Variants in MAGEC3 observed in about 807,000 individuals in gnomAD.
MAGEC3 encodes melanoma-associated antigen C3.
MAGEC3 carries 34 observed loss-of-function variants against 35.3 expected under a neutral mutation model. The ratio of observed to expected loss-of-function variants is 0.96; its 90% CI spans 0.73 to 1.28. The LOEUF is 1.28. Ranked by LOEUF, MAGEC3 falls within the 50% of genes most tolerant of loss-of-function variation. MAGEC3 has a pLI of 0.00. For synonymous variants in MAGEC3, 202 were observed against 185.6 expected (o/e 1.09, Z -0.72); for missense variants, 561 against 483.6 (o/e 1.16, Z -1.50).
At chrX:141,840,081 G>A in intron 1 of MAGEC3, 1 of 670,565 alleles carries the variant, frequency 1.5e-6, no homozygotes, top group South Asian at 7.7e-5. Context: ...CTTCCTGAAG[G>A]ATTTGTGTGA....
chrX:141,852,453 T>G (rs1445556153), intron 1 of MAGEC3, among the ~76,000 whole-genome samples: 2 of 110,731 alleles, frequency 1.8e-5, no homozygotes, highest in Non-Finnish European at 3.8e-5. Flanking sequence ...CTTGCCTAAT[T>G]GCACTAGGTT....
At chrX:141,896,653 A>G (rs751384846) in intron 6 of MAGEC3, 17 of 1,206,159 alleles carry the variant, frequency 1.4e-5, no homozygotes, top group Admixed American at 2.2e-5. Context: ...AACAGGCCTC[A>G]TGCCTCTCTT....
At chrX:141,867,625 T>C (rs148031594) in intron 2 of MAGEC3, among the ~76,000 whole-genome samples, 1,657 of 112,191 alleles carry the variant, frequency 0.015, 16 homozygotes, top group Non-Finnish European at 0.023. Context: ...CTATGCATTA[T>C]TTTTTGTTAG....
At chrX:141,845,419 T>C (rs1044232907) in intron 1 of MAGEC3, among the ~76,000 whole-genome samples, 1 of 111,422 alleles carries the variant, frequency 9.0e-6, no homozygotes, top group African/African-American at 3.2e-5. Flanking sequence ...AAGTCTTATA[T>C]GCCAATATTA....
At position 141,873,977 on chromosome X, in the gene MAGEC3, T is replaced by C. The variant is rs190345978; in HGVS notation, c.259-5198T>C. 2.6e-3 allele frequency among the ~76,000 whole-genome samples: 292 copies of C among 112,030 alleles called. 1 individual carries two copies. The highest frequency in any genetic ancestry group is 4.3e-3 in the Non-Finnish European group (230 of 53,168). ...CCAACTTCAGGTCTTACTATAAAGTTACGATAATTAAGACAGTGTGATATT... is the reference window on the plus strand; with the variant it reads ...CCAACTTCAGGTCTTACTATAAAGTCACGATAATTAAGACAGTGTGATATT... On this transcript the variant is annotated intron_variant, in intron 2 of 7. Transcript: ENST00000298296.
At chrX:141,874,511 C>G (rs1237531589) in intron 2 of MAGEC3, among the ~76,000 whole-genome samples, 1 of 111,548 alleles carries the variant, frequency 9.0e-6, no homozygotes, top group Non-Finnish European at 1.9e-5. Flanking sequence ...AACAAGAAAG[C>G]AATCCAATAA....
At chrX:141,839,241 C>T (rs1171444112) in intron 1 of MAGEC3, 3 of 216,798 alleles carry the variant, frequency 1.4e-5, no homozygotes, top group Non-Finnish European at 2.0e-5. Context: ...TAATGGATTC[C>T]AGTGATTTCC....
intron 1 of MAGEC3, among the ~76,000 whole-genome samples, chrX:141,848,486 A>G (rs1447727705): frequency 3.6e-5 from 4 of 110,980 alleles, no homozygotes; most frequent in African/African-American, 1.3e-4. Flanking sequence ...CACAAATAAC[A>G]TCCAGGCTGA....
chrX:141,860,856 G>A (rs140545927), intron 1 of MAGEC3, among the ~76,000 whole-genome samples: 1,683 of 111,408 alleles, frequency 0.015, 14 homozygotes, highest in Middle Eastern at 0.037. Context: ...AATGCAAAGT[G>A]GTTCTGGAAG....
intron 1 of MAGEC3, among the ~76,000 whole-genome samples, chrX:141,841,135 CTT>C (rs1271581156): frequency 9.0e-6 from 1 of 110,926 alleles, no homozygotes; most frequent in Non-Finnish European, 1.9e-5. Flanking sequence ...TTGTCTGTCT[CTT>C]CTTACTTACC....
chrX:141,885,578 TG>T (rs1239435474), intron 4 of MAGEC3, among the ~76,000 whole-genome samples: 1 of 100,146 alleles, frequency 1.0e-5, no homozygotes, highest in East Asian at 3.3e-4. Flanking sequence ...GGCAGAGAAT[TG>T]CTTGAACCCG....
intron 6 of MAGEC3, among the ~76,000 whole-genome samples, chrX:141,895,876 G>A (rs903622840): frequency 5.4e-5 from 6 of 111,177 alleles, no homozygotes; most frequent in Non-Finnish European, 9.5e-5. Flanking sequence ...GAGGTCCCAC[G>A]TGCATCAGAA....
chrX:141,887,534 CCAAGAAAGAGGCA>C (rs1413171058), intron 4 of MAGEC3, among the ~76,000 whole-genome samples: 7 of 111,918 alleles, frequency 6.3e-5, no homozygotes, highest in African/African-American at 2.3e-4. Context: ...TGAGGCCCCT[CCAAGAAAGAGGCA>C]CAATGCCTAG....
intron 2 of MAGEC3, among the ~76,000 whole-genome samples, chrX:141,878,832 A>G (rs1317864446): frequency 1.8e-5 from 2 of 111,793 alleles, no homozygotes; most frequent in Non-Finnish European, 3.8e-5. Flanking sequence ...TGATCTGAAG[A>G]ACATAGTCTC....
chrX:141,896,774 C>T (rs1452159264), intron 6 of MAGEC3, 108 bp from the exon 7 acceptor site: 1 of 1,209,974 alleles, frequency 8.3e-7, no homozygotes, highest in South Asian at 1.8e-5. Context: ...GATGCCTCCT[C>T]CACTTCCTCT....
intron 1 of MAGEC3, among the ~76,000 whole-genome samples, chrX:141,860,920 T>C (rs1342668644): frequency 8.9e-6 from 1 of 111,775 alleles, no homozygotes; most frequent in Non-Finnish European, 1.9e-5. Flanking sequence ...GCCATGGAAC[T>C]GTATACTTAG....
chrX:141,857,156 A>C (rs1323112947), intron 1 of MAGEC3, among the ~76,000 whole-genome samples: 1 of 110,262 alleles, frequency 9.1e-6, no homozygotes, highest in Non-Finnish European at 1.9e-5. Context: ...GAACTCTTGG[A>C]CTAAATAATT....
chrX:141,870,974 A>G (rs1466165219), intron 2 of MAGEC3, among the ~76,000 whole-genome samples: 4 of 112,461 alleles, frequency 3.6e-5, no homozygotes, highest in Admixed American at 2.8e-4. Flanking sequence ...TATTTTACCA[A>G]TAATTCCTAA....
intron 2 of MAGEC3, 90 bp from the exon 3 acceptor site, chrX:141,879,084 TC>T: frequency 1.9e-6 from 2 of 1,054,383 alleles, no homozygotes; most frequent in East Asian, 3.2e-5. Flanking sequence ...CCAGGCGGTT[TC>T]CAGGAGTCCA....
Sources: allele counts gnomAD v4.1 joint callset (sites outside exome capture counted in the v4.1 genomes callset), GRCh38; gene constraint gnomAD v4.1.1; transcripts MANE v1.5; gene names NCBI Gene and HGNC (gene_info 2026-07-23, HGNC 2026-07-21).